The following TRHDE variants were observed in gnomAD, a reference collection of about 807,000 sequenced individuals.
TRHDE encodes the protein thyrotropin-releasing hormone-degrading ectoenzyme.
In TRHDE, 72 loss-of-function variants were observed where a neutral mutation model predicts 125.7. That is an observed-to-expected ratio of 0.57 (90% CI 0.47 to 0.70). The LOEUF (loss-of-function observed/expected upper bound fraction) is 0.70, where lower values mean the gene tolerates loss of function less well. Among genes scored for constraint, TRHDE ranks in the 30% least tolerant of loss-of-function variants. The pLI is 0.00. For synonymous variants in TRHDE, 509 were observed against 509.1 expected (o/e 1.00, Z 0.00); for missense variants, 1,110 against 1,327.1 (o/e 0.84, Z 2.54).
intron 2 of TRHDE, among the ~76,000 whole-genome samples, chr12:72,251,449 A>C (rs1878682277): frequency 6.7e-6 from 1 of 150,008 alleles, no homozygotes. Context: ...CACTCAGCAC[A>C]ATTACCTGGA....
At chr12:72,610,551 A>G (rs1872595126) in intron 12 of TRHDE, 2 of 152,184 alleles carry the variant, frequency 1.3e-5, no homozygotes, top group South Asian at 4.1e-4. Flanking sequence ...ATATAGAAAA[A>G]CAATCTGAGC....
chr12:72,405,067 G>C (rs1401282926), intron 3 of TRHDE, among the ~76,000 whole-genome samples: 1 of 152,176 alleles, frequency 6.6e-6, no homozygotes, highest in East Asian at 1.9e-4. Flanking sequence ...ATTATTTCTT[G>C]AGTGCCTACT....
intron 15 of TRHDE, among the ~76,000 whole-genome samples, chr12:72,623,404 C>T (rs184226338): frequency 2.7e-4 from 41 of 152,134 alleles, no homozygotes; most frequent in Admixed American, 6.6e-4. Flanking sequence ...ACCATTGCAT[C>T]ACCATAATTT....
intron 2 of TRHDE, among the ~76,000 whole-genome samples, chr12:72,207,389 G>T (rs1284488289): frequency 6.6e-6 from 1 of 152,024 alleles, no homozygotes; most frequent in Non-Finnish European, 1.5e-5. Flanking sequence ...AATTCTTTAG[G>T]ACTTGAATTG....
At chr12:72,301,298 C>T (rs1868257716) in intron 2 of TRHDE, among the ~76,000 whole-genome samples, 1 of 152,032 alleles carries the variant, frequency 6.6e-6, no homozygotes, top group African/African-American at 2.4e-5. Flanking sequence ...AGAGTGGTCT[C>T]TTTTTTTCCT....
chr12:72,576,112 T>G (rs566919728), intron 12 of TRHDE, among the ~76,000 whole-genome samples: 1 of 152,144 alleles, frequency 6.6e-6, no homozygotes, highest in Admixed American at 6.6e-5. Flanking sequence ...GAATAGTCAT[T>G]AAATGAAATG....
At chr12:72,597,741 A>ATATG (rs1872027949) in intron 12 of TRHDE, among the ~76,000 whole-genome samples, 6 of 22,634 alleles carry the variant, frequency 2.7e-4, no homozygotes, top group Non-Finnish European at 5.0e-4. Context: ...ATATATATAT[A>ATATG]TATATATATA....
intron 3 of TRHDE, among the ~76,000 whole-genome samples, chr12:72,440,110 C>T (rs1415384033): frequency 6.6e-6 from 1 of 151,902 alleles, no homozygotes; most frequent in African/African-American, 2.4e-5. Context: ...GGATGAATCC[C>T]ACTCGATAAT....
intron 3 of TRHDE, among the ~76,000 whole-genome samples, chr12:72,449,975 A>T (rs923822700): frequency 6.6e-6 from 1 of 151,774 alleles, no homozygotes; most frequent in Non-Finnish European, 1.5e-5. Context: ...TTCCCCATTC[A>T]TTCAGTTGGG....
At chr12:72,182,786 A>G (rs533109903) in intron 2 of TRHDE, among the ~76,000 whole-genome samples, 5 of 152,334 alleles carry the variant, frequency 3.3e-5, no homozygotes, top group South Asian at 2.1e-4. Flanking sequence ...CAGGGAAGGA[A>G]GTGTAGGAAG....
chr12:72,361,350 G>C (rs1295666807), intron 2 of TRHDE, among the ~76,000 whole-genome samples: 4 of 151,780 alleles, frequency 2.6e-5, no homozygotes, highest in Middle Eastern at 6.3e-3. Context: ...TAAAAGATTG[G>C]ATTTTATGCT....
At chr12:72,222,947 A>G (rs1033144060) in intron 2 of TRHDE, among the ~76,000 whole-genome samples, 2 of 152,116 alleles carry the variant, frequency 1.3e-5, no homozygotes, top group Non-Finnish European at 2.9e-5. Context: ...TGCCAAAGAT[A>G]AAGCTCCTCC....
chr12:72,159,904 GT>G (rs1876598524), intron 2 of TRHDE, among the ~76,000 whole-genome samples: 1 of 150,286 alleles, frequency 6.7e-6, no homozygotes, highest in African/African-American at 2.5e-5. Flanking sequence ...ATCTCATTTT[GT>G]TGTCATATTG....
intron 2 of TRHDE, among the ~76,000 whole-genome samples, chr12:72,321,648 G>T (rs185834460): frequency 6.6e-6 from 1 of 152,098 alleles, no homozygotes; most frequent in Admixed American, 6.6e-5. Context: ...TCCTTAAAAT[G>T]TATATACATT....
At chr12:72,368,691 C>G (rs531394411) in intron 2 of TRHDE, among the ~76,000 whole-genome samples, 1 of 152,084 alleles carries the variant, frequency 6.6e-6, no homozygotes, top group Non-Finnish European at 1.5e-5. Flanking sequence ...TTAATAGACT[C>G]TTATTAACTA....
intron 2 of TRHDE, among the ~76,000 whole-genome samples, chr12:72,313,538 A>G (rs1868648040): frequency 1.3e-5 from 2 of 152,040 alleles, no homozygotes; most frequent in Non-Finnish European, 1.5e-5. Context: ...TTTTATATAT[A>G]TTTTTTCTGT....
intron 2 of TRHDE, among the ~76,000 whole-genome samples, chr12:72,180,208 GT>G (rs1348431585): frequency 6.6e-6 from 1 of 151,802 alleles, no homozygotes; most frequent in African/African-American, 2.4e-5. Context: ...TTAGAGCTTT[GT>G]TATATATTTT....
At chr12:72,616,293 A>T (rs1872809465) in intron 12 of TRHDE, among the ~76,000 whole-genome samples, 1 of 152,156 alleles carries the variant, frequency 6.6e-6, no homozygotes, top group Non-Finnish European at 1.5e-5. Flanking sequence ...AAGAATGGAG[A>T]ATATAAAATT....
At chr12:72,407,669 A>G (rs1873324386) in intron 3 of TRHDE, among the ~76,000 whole-genome samples, 1 of 152,260 alleles carries the variant, frequency 6.6e-6, no homozygotes, top group Non-Finnish European at 1.5e-5. Context: ...TCAGAACATA[A>G]GAGAATCATT....
Sources: gnomAD v4.1 joint callset for allele counts (sites outside exome capture counted in the v4.1 genomes callset) on GRCh38, gnomAD v4.1.1 for gene constraint, MANE v1.5 for transcripts, NCBI Gene and HGNC (gene_info 2026-07-23, HGNC 2026-07-21) for gene names.